The following TNRC6A variants were observed in gnomAD, a reference collection of about 807,000 sequenced individuals.
The protein encoded by TNRC6A is trinucleotide repeat containing adaptor 6A.
A neutral mutation model predicts 221.2 loss-of-function variants in TNRC6A; 44 were observed. The ratio of observed to expected loss-of-function variants is 0.20; its 90% CI spans 0.16 to 0.26. The LOEUF (loss-of-function observed/expected upper bound fraction) is 0.26, where lower values mean the gene tolerates loss of function less well. Ranked by LOEUF, TNRC6A falls within the 10% of genes least tolerant of loss-of-function variation. TNRC6A has a pLI of 1.00. For synonymous variants in TNRC6A, 847 were observed against 838.5 expected, an observed-to-expected ratio of 1.01 and a Z score of -0.18; for missense variants, 2,199 against 2,404.4, an observed-to-expected ratio of 0.91 and a Z score of 1.79.
At chr16:24,713,357 G>A (rs1476091520) in intron 2 of TNRC6A, among the ~76,000 whole-genome samples, 1 of 152,046 alleles carries the variant, frequency 6.6e-6, no homozygotes, top group Non-Finnish European at 1.5e-5. Flanking sequence ...GGCAGAGGTT[G>A]CAGTGAGCAG....
At chr16:24,614,196 G>A (rs1218420407) in intron 1 of TNRC6A, among the ~76,000 whole-genome samples, 1 of 152,230 alleles carries the variant, frequency 6.6e-6, no homozygotes, top group African/African-American at 2.4e-5. Flanking sequence ...TCATATGACA[G>A]CTGGGTTCCA....
At chr16:24,781,298 A>G (rs954801806) in intron 5 of TNRC6A, among the ~76,000 whole-genome samples, 4 of 151,958 alleles carry the variant, frequency 2.6e-5, no homozygotes, top group East Asian at 1.9e-4. Flanking sequence ...AGCTCAAGCT[A>G]TCTGCCTGCC....
chr16:24,636,198 T>C (rs1901628959), intron 1 of TNRC6A, among the ~76,000 whole-genome samples: 1 of 152,238 alleles, frequency 6.6e-6, no homozygotes. Context: ...TTTCAGCATT[T>C]ATTAGTAACA....
intron 2 of TNRC6A, among the ~76,000 whole-genome samples, chr16:24,718,305 T>C (rs950527560): frequency 2.0e-5 from 3 of 152,126 alleles, no homozygotes; most frequent in Non-Finnish European, 4.4e-5. Flanking sequence ...TCCACCTGAA[T>C]AGGAGGGGGC....
chr16:24,803,837 G>A, intron 11 of TNRC6A: 1 of 200,760 alleles, frequency 5.0e-6, no homozygotes, highest in Non-Finnish European at 9.9e-6. Flanking sequence ...GGAGGTGGAG[G>A]TTGCAGTGAG....
At chr16:24,648,464 G>GT (rs1902422805) in intron 2 of TNRC6A, among the ~76,000 whole-genome samples, 1 of 151,708 alleles carries the variant, frequency 6.6e-6, no homozygotes, top group Non-Finnish European at 1.5e-5. Context: ...TAGAGACGGG[G>GT]TTTCACCGTG....
chr16:24,811,701 G>A (rs2058546872), intron 18 of TNRC6A, among the ~76,000 whole-genome samples: 1 of 151,926 alleles, frequency 6.6e-6, no homozygotes, highest in South Asian at 2.1e-4. Flanking sequence ...GTGGAGAATT[G>A]GAGTAGATCT....
chr16:24,666,659 AAAAAAAAAAAT>A (rs1430890493), intron 2 of TNRC6A, among the ~76,000 whole-genome samples: 3 of 126,900 alleles, frequency 2.4e-5, no homozygotes, highest in African/African-American at 3.3e-5. Flanking sequence ...AAAAAAAAAA[AAAAAAAAAAAT>A]ATATATATAT....
In TNRC6A at chr16:24,678,532, G is replaced by A. The variant is rs906397753; in HGVS notation, n.402+37523G>A. Among the ~76,000 whole-genome samples the A allele has an allele frequency of 2.6e-5, 4 of 152,256 alleles. No individual in the cohort carries two copies. The East Asian group carries it at 7.7e-4, about 29-fold the overall frequency. ...TCAGGGAGATCTGCTGATGACCAGT[G>A]CATGAGCTTAGAAGCGGATTCTCCC... On this transcript the variant is annotated intron_variant and non_coding_transcript_variant, in intron 2 of 2. Coordinates refer to the TNRC6A transcript ENST00000566108.
intron 2 of TNRC6A, among the ~76,000 whole-genome samples, chr16:24,684,977 G>A (rs760605426): frequency 5.9e-5 from 9 of 152,176 alleles, no homozygotes; most frequent in East Asian, 5.8e-4. Context: ...TGGTCCCTAC[G>A]GAATCCAGCT....
At chr16:24,779,622 A>G (rs1323909045) in intron 5 of TNRC6A, among the ~76,000 whole-genome samples, 1 of 152,184 alleles carries the variant, frequency 6.6e-6, no homozygotes, top group African/African-American at 2.4e-5. Flanking sequence ...TAACTCATTT[A>G]ATACTTCTTT....
chr16:24,615,044 GAC>G (rs1160348211), intron 1 of TNRC6A, among the ~76,000 whole-genome samples: 1 of 152,156 alleles, frequency 6.6e-6, no homozygotes, highest in African/African-American at 2.4e-5. Flanking sequence ...CAGCCTGGGT[GAC>G]AGAGTGAGAC....
chr16:24,781,203 C>T (rs1361565286), intron 5 of TNRC6A, among the ~76,000 whole-genome samples: 3 of 151,844 alleles, frequency 2.0e-5, no homozygotes, highest in Non-Finnish European at 2.9e-5. Flanking sequence ...GGACTACAGG[C>T]GTTCACCACC....
rs747762007 is a variant in TNRC6A at position 24,815,195 on chromosome 16, A to G, written c.4721A>G (p.Tyr1574Cys). 4 of 1,614,186 alleles carry G rather than the reference A, an allele frequency of 2.5e-6. No homozygotes were observed. The highest frequency in any genetic ancestry group is 1.3e-5 in the African/African-American group (1 of 75,048). Reference sequence around the variant, plus strand: ...CTGGAAGAGTCTCCATTTGTTCCCTATGACTTTATGAACAGCAGTACTTCA... The same window carrying G: ...CTGGAAGAGTCTCCATTTGTTCCCTGTGACTTTATGAACAGCAGTACTTCA... ...FRLEESPFVP[Y>C]DFMNSSTSPA... Residue 1574 changes from tyrosine (Y) to cysteine (C), a missense_variant, in exon 19 of 25, where the codon TAT (tyrosine) becomes TGT (cysteine). Transcript: ENST00000395799.
At position 24,820,190 on chromosome 16, in the gene TNRC6A, C is replaced by A. The variant is rs145287430; in HGVS notation, c.5132C>A (p.Thr1711Asn). The change falls in exon 22 of 25, where the codon ACC (threonine) becomes AAC (asparagine). Residue 1711 changes from threonine (T) to asparagine (N), a missense_variant. Physicochemically the swap from Thr to Asn is moderately conservative, Grantham distance 65. Transcript: ENST00000395799. Reference protein sequence around the residue: ...LTWSPGSVTNTSLAHELWKVP... With the variant: ...LTWSPGSVTNNSLAHELWKVP... Reference sequence around the variant, plus strand: ...TGGTCTCCTGGTTCAGTTACAAACACCTCTCTGGCTCATGAGCTGTGGAAG... The same window carrying A: ...TGGTCTCCTGGTTCAGTTACAAACAACTCTCTGGCTCATGAGCTGTGGAAG... The A allele has an allele frequency of 3.8e-4, 619 of 1,614,034 alleles. 3 individuals carry two copies. The highest frequency in any genetic ancestry group is 2.9e-4 in the Non-Finnish European group (346 of 1,180,032).
intron 4 of TNRC6A, among the ~76,000 whole-genome samples, chr16:24,765,878 G>A (rs1043404882): frequency 6.6e-6 from 1 of 152,142 alleles, no homozygotes; most frequent in East Asian, 1.9e-4. Context: ...CTAGATTTAT[G>A]TACTCAGGGA....
At position 24,777,098 on chromosome 16, in the gene TNRC6A, A is replaced by G; in HGVS notation, c.329A>G (p.Gln110Arg). 2 of 1,609,918 alleles carry G rather than the reference A, an allele frequency of 1.2e-6. No individual in the cohort carries two copies. Among genetic ancestry groups the G allele is most frequent in the Non-Finnish European group, 1.7e-6 (2 of 1,177,530 alleles). ...QQQQPQQQQP[Q>R]QQPQPQPQQQ... ...CAGCAGCCGCAGCAGCAGCAGCCAC[A>G]GCAGCAGCCACAGCCGCAGCCGCAG... The change falls in exon 5 of 25, where the codon CAG becomes CGG. Residue 110 changes from glutamine (Q) to arginine (R), a missense_variant. Gln to Arg is a conservative substitution (Grantham distance 43). Transcript: ENST00000395799.
In TNRC6A at chr16:24,716,955, CAAAAAAAAAAAAAGA is replaced by C. The variant is rs1387016471; in HGVS notation, n.403-33752_403-33738del. ...CTGACAACAGAGTGAGACTCCATCT[CAAAAAAAAAAAAAGA>C]AAAAAAAAAAAAAGAAAACTTGAAT... On this transcript the variant is annotated intron_variant and non_coding_transcript_variant, in intron 2 of 2. Transcript: ENST00000566108. Among the ~76,000 whole-genome samples, 190 of 75,172 alleles carry C rather than the reference CAAAAAAAAAAAAAGA, an allele frequency of 2.5e-3. 1 individual carries two copies. The highest frequency in any genetic ancestry group is 3.9e-3 in the Non-Finnish European group (140 of 36,148). The allele number at this position is 75,172 out of a possible 152,430, so 49.3% of individuals were successfully genotyped here. A position where few individuals can be genotyped will look rare whatever the true frequency, so the allele number is the denominator to read the frequency against.
intron 2 of TNRC6A, chr16:24,663,716 A>G (rs1407459174): frequency 2.9e-6 from 1 of 342,468 alleles, no homozygotes; most frequent in African/African-American, 2.1e-5. Flanking sequence ...ACTGCCAACC[A>G]GGGGAACTCA....
Sources: gnomAD v4.1 joint callset for allele counts (sites outside exome capture counted in the v4.1 genomes callset) on GRCh38, gnomAD v4.1.1 for gene constraint, MANE v1.5 for transcripts, NCBI Gene and HGNC (gene_info 2026-07-23, HGNC 2026-07-21) for gene names.